The following SREBF2 variants were observed in gnomAD, a reference collection of about 807,000 sequenced individuals.
SREBF2 encodes the protein sterol regulatory element-binding protein 2.
Under a neutral mutation model 113.1 loss-of-function variants are expected in SREBF2, and 55 were observed. The ratio of observed to expected loss-of-function variants is 0.49; its 90% confidence interval spans 0.39 to 0.61. SREBF2 has a LOEUF of 0.61. Ranked by LOEUF, SREBF2 falls within the 20% of genes least tolerant of loss-of-function variation. SREBF2 has a pLI of 0.00. For synonymous variants in SREBF2, 593 were observed against 605.7 expected, an observed-to-expected ratio of 0.98 and a Z score of 0.31; for missense variants, 1,349 against 1,487.4, an observed-to-expected ratio of 0.91 and a Z score of 1.53.
At chr22:41,874,581 G>T in intron 5 of SREBF2, among the ~76,000 whole-genome samples, 1 of 152,212 alleles carries the variant, frequency 6.6e-6, no homozygotes, top group East Asian at 1.9e-4. Flanking sequence ...AAATCTGAAA[G>T]CTGTACATCC....
chr22:41,867,525 G>A (rs543591212), intron 2 of SREBF2, among the ~76,000 whole-genome samples: 65 of 152,076 alleles, frequency 4.3e-4, no homozygotes, highest in Admixed American at 2.7e-3. Context: ...TCCAGCAAGC[G>A]GCCGGGCGCG....
intron 1 of SREBF2, among the ~76,000 whole-genome samples, chr22:41,849,512 G>A (rs1348413546): frequency 6.6e-6 from 1 of 152,124 alleles, no homozygotes; most frequent in Non-Finnish European, 1.5e-5. Context: ...TGTTTTTACA[G>A]AGGTTTTCTA....
intron 1 of SREBF2, among the ~76,000 whole-genome samples, chr22:41,855,080 T>C (rs2076965902): frequency 6.7e-6 from 1 of 149,626 alleles, no homozygotes; most frequent in South Asian, 2.1e-4. Flanking sequence ...GTTAAAAACA[T>C]AGCCTTGAAC....
chr22:41,884,829 C>A lies in SREBF2; in HGVS notation c.2039-13C>A. 6.2e-7 allele frequency: 1 copy of A among 1,614,094 alleles called. No homozygotes were observed. The highest frequency in any genetic ancestry group is 8.5e-7 in the Non-Finnish European group (1 of 1,179,988). On this transcript the variant is annotated splice_polypyrimidine_tract_variant and intron_variant, in intron 10 of 18. Transcript: ENST00000361204. ...GCTCCATCAACAATAGTGTCTGTTT[C>A]TGCCCACCCTAGGGAAGCTTCCTGC...
At chr22:41,887,933 C>G (rs1390259056) in intron 11 of SREBF2, among the ~76,000 whole-genome samples, 1 of 152,178 alleles carries the variant, frequency 6.6e-6, no homozygotes, top group Non-Finnish European at 1.5e-5. Context: ...CATTTATTGG[C>G]AATTTGGATA....
intron 1 of SREBF2, among the ~76,000 whole-genome samples, chr22:41,836,598 A>G (rs1265564265): frequency 6.6e-6 from 1 of 152,186 alleles, no homozygotes; most frequent in African/African-American, 2.4e-5. Flanking sequence ...CATTCCCACT[A>G]AATTCTTTGA....
Position 41,833,343 on chromosome 22 carries a change from C to A in SREBF2, c.73C>A (p.Leu25Met). 1 of 679,736 alleles carries A rather than the reference C, an allele frequency of 1.5e-6. No individual in the cohort carries two copies. Among genetic ancestry groups the A allele is most frequent in the South Asian group, 1.5e-5 (1 of 66,250 alleles). The allele number at this position is 679,736 out of a possible 1,614,324, so 42.1% of individuals were successfully genotyped here. The change falls in exon 1 of 19, where the codon CTG becomes ATG. Residue 25 changes from leucine to methionine, a missense_variant. Coordinates refer to ENST00000361204, the MANE Select transcript of SREBF2 (RefSeq NM_004599.4). The surrounding 1 kb of genome is among the most constrained non-coding windows in gnomAD (Gnocchi z 4.1). ...CACGGAGCTGGGCGACGAGCTGACC[C>A]TGGGAGACATCGACGGTGAGTGGTG... ...TLTELGDELT[L>M]GDIDEMLQFV...
At chr22:41,897,602 C>T (rs1212659313) in intron 14 of SREBF2, among the ~76,000 whole-genome samples, 1 of 152,236 alleles carries the variant, frequency 6.6e-6, no homozygotes, top group Non-Finnish European at 1.5e-5. Context: ...AGTGTCACAG[C>T]ACAGCCCACT....
intron 1 of SREBF2, among the ~76,000 whole-genome samples, chr22:41,856,362 T>C (rs920921153): frequency 8.6e-5 from 13 of 151,952 alleles, no homozygotes; most frequent in Admixed American, 4.6e-4. Context: ...CTCCTGAACT[T>C]GAGCGATCTG....
At position 41,874,022 on chromosome 22, in the gene SREBF2, G is replaced by T. The variant is rs372325735; in HGVS notation, c.1089+3G>T. ...TGGTCATGGGGACAGACGCCAAGGT[G>T]GGTGCCAAGCAAAATTGTGTTTTAT... On this transcript the variant is annotated splice_donor_region_variant and intron_variant, in intron 5 of 18. Coordinates refer to ENST00000361204, the MANE Select transcript of SREBF2 (RefSeq NM_004599.4). 1.1e-5 allele frequency: 18 copies of T among 1,613,976 alleles called. No individual in the cohort carries two copies. In the African/African-American group the frequency reaches 2.3e-4, roughly 20 times the overall value.
At position 41,878,138 on chromosome 22, in the gene SREBF2, C is replaced by G. The variant is rs768690705; in HGVS notation, c.1761+15C>G. ...ATCTCGCCAGAGTGAGTTCTGTGTC[C>G]GCCCTTCCCCATCCTCCCCCAGACT... On this transcript the variant is annotated intron_variant, in intron 9 of 18. Coordinates refer to ENST00000361204, the MANE Select transcript of SREBF2 (RefSeq NM_004599.4). The G allele has an allele frequency of 6.2e-7, 1 of 1,613,208 alleles. No individual in the cohort carries two copies. Among genetic ancestry groups the G allele is most frequent in the Non-Finnish European group, 8.5e-7 (1 of 1,179,942 alleles).
rs1179031341 is a variant in SREBF2 at position 41,893,824 on chromosome 22, C to T, written c.2377+539C>T. The stretch of plus-strand genomic sequence containing the variant: ...CATTTGATAGTGATTGGAGTTGACT[C>T]GCCCGGCCTTGGAGCAGTAGAGGCT... On this transcript the variant is annotated intron_variant, in intron 12 of 18. Coordinates refer to ENST00000361204, the MANE Select transcript of SREBF2 (RefSeq NM_004599.4). 2.6e-5 allele frequency among the ~76,000 whole-genome samples: 4 copies of T among 152,112 alleles called. 1 individual carries two copies. Among genetic ancestry groups the T allele is most frequent in the South Asian group, 4.2e-4 (2 of 4,814 alleles).
chr22:41,848,578 G>A (rs1474145573), intron 1 of SREBF2, among the ~76,000 whole-genome samples: 3 of 152,168 alleles, frequency 2.0e-5, no homozygotes, highest in Non-Finnish European at 4.4e-5. Flanking sequence ...GCATCGTAGA[G>A]CCTAACTGCT....
At chr22:41,835,763 G>A (rs1486996190) in intron 1 of SREBF2, among the ~76,000 whole-genome samples, 1 of 152,104 alleles carries the variant, frequency 6.6e-6, no homozygotes, top group Non-Finnish European at 1.5e-5. Flanking sequence ...GAGTAGTTAG[G>A]ACTAAGGCAT....
chr22:41,901,087 C>T (rs752120490), intron 16 of SREBF2: 1 of 422,176 alleles, frequency 2.4e-6, no homozygotes, highest in Non-Finnish European at 4.8e-6. Context: ...TGATAGAGGG[C>T]ACTGCTGCCA....
chr22:41,845,801 ATG>A (rs1426577234), intron 1 of SREBF2, among the ~76,000 whole-genome samples: 1 of 152,214 alleles, frequency 6.6e-6, no homozygotes, highest in African/African-American at 2.4e-5. Flanking sequence ...CTCTAGGAAT[ATG>A]TGTGTCAGAG....
At chr22:41,849,046 A>G (rs1212845972) in intron 1 of SREBF2, among the ~76,000 whole-genome samples, 2 of 152,232 alleles carry the variant, frequency 1.3e-5, no homozygotes, top group Admixed American at 6.5e-5. Context: ...GAATATATAC[A>G]TACGTATATA....
chr22:41,863,648 A>G (rs115066416), intron 1 of SREBF2, among the ~76,000 whole-genome samples: 2,624 of 152,248 alleles, frequency 0.017, 85 homozygotes, highest in African/African-American at 0.059. Flanking sequence ...CAATCTGCCC[A>G]TTTCTCCCTC....
intron 1 of SREBF2, among the ~76,000 whole-genome samples, chr22:41,851,302 A>T (rs2076928139): frequency 6.6e-6 from 1 of 151,774 alleles, no homozygotes; most frequent in African/African-American, 2.4e-5. Flanking sequence ...ACTGGCTTTT[A>T]TTCAAAGGTT....
Sources: gnomAD v4.1 joint callset for allele counts (sites outside exome capture counted in the v4.1 genomes callset) on GRCh38, gnomAD v4.1.1 for gene constraint, Gnocchi (gnomAD v3.1) non-coding constraint, MANE v1.5 for transcripts, NCBI Gene and HGNC (gene_info 2026-07-23, HGNC 2026-07-21) for gene names.